MYT1L: variants seen among roughly 807,000 people sequenced by gnomAD.
The protein encoded by MYT1L is myelin transcription factor 1 like, also known as myelin transcription factor 1-like protein.
A neutral mutation model predicts 126.7 loss-of-function variants in MYT1L; 12 were observed. That is an observed-to-expected ratio of 0.09 (90% CI 0.06 to 0.15). The LOEUF is 0.15. MYT1L is among the 10% of genes least tolerant of loss of function. MYT1L has a pLI of 1.00. For synonymous variants in MYT1L, 541 were observed against 604.2 expected, an observed-to-expected ratio of 0.90 and a Z score of 1.53; for missense variants, 979 against 1,585.2, an observed-to-expected ratio of 0.62 and a Z score of 6.49.
At chr2:1,983,007 T>C (rs2060721603) in intron 5 of MYT1L, among the ~76,000 whole-genome samples, 1 of 152,236 alleles carries the variant, frequency 6.6e-6, no homozygotes, top group African/African-American at 2.4e-5. Context: ...CTTCATCCTT[T>C]CAGTATTTTT....
intron 2 of MYT1L, among the ~76,000 whole-genome samples, chr2:2,259,983 C>A (rs543797677): frequency 1.3e-5 from 2 of 152,304 alleles, no homozygotes; most frequent in South Asian, 4.1e-4. Flanking sequence ...TCCACTGCAG[C>A]CTCCCCAGCC....
intron 2 of MYT1L, among the ~76,000 whole-genome samples, chr2:2,194,425 G>A (rs1281621478): frequency 6.6e-6 from 1 of 152,118 alleles, no homozygotes; most frequent in African/African-American, 2.4e-5. Context: ...AATACCAAGA[G>A]CTTTTGTATG....
chr2:1,872,577 T>G (rs2046405221), intron 18 of MYT1L, among the ~76,000 whole-genome samples: 2 of 152,384 alleles, frequency 1.3e-5, no homozygotes, highest in East Asian at 3.9e-4. Context: ...TGGAATTCTT[T>G]TATCTTTGAA....
intron 2 of MYT1L, among the ~76,000 whole-genome samples, chr2:2,283,673 C>T (rs2095480331): frequency 6.6e-6 from 1 of 152,140 alleles, no homozygotes; most frequent in African/African-American, 2.4e-5. Context: ...GCTGCTCAGA[C>T]CTCAAACCTA....
At chr2:1,939,293 C>A (rs1039749951) in intron 9 of MYT1L, among the ~76,000 whole-genome samples, 1 of 152,188 alleles carries the variant, frequency 6.6e-6, no homozygotes, top group African/African-American at 2.4e-5. Flanking sequence ...GTTGCTGGCC[C>A]AGGGACATAG....
chr2:1,986,707 G>C (rs1392935517), intron 5 of MYT1L, among the ~76,000 whole-genome samples: 1 of 152,154 alleles, frequency 6.6e-6, no homozygotes, highest in Non-Finnish European at 1.5e-5. Flanking sequence ...AGAACTTTTG[G>C]GGAAGCGCTA....
At chr2:1,886,422 G>A in intron 18 of MYT1L, 117 bp downstream of exon 18, 1 of 659,142 alleles carries the variant, frequency 1.5e-6, no homozygotes. Context: ...AAGGCACTGG[G>A]GTGCACAGGC....
At chr2:1,817,053 C>T (rs1263361464) in intron 21 of MYT1L, 1 of 152,388 alleles carries the variant, frequency 6.6e-6, no homozygotes. Flanking sequence ...GTGGCTCCTG[C>T]TGGGAGGTGG....
chr2:2,247,661 GA>G (rs1374689146), intron 2 of MYT1L, among the ~76,000 whole-genome samples: 1 of 152,104 alleles, frequency 6.6e-6, no homozygotes, highest in Non-Finnish European at 1.5e-5. Flanking sequence ...TCAAAAAATT[GA>G]AATAATATCA....
chr2:2,303,389 T>C (rs2095814097), intron 1 of MYT1L: 1 of 152,432 alleles, frequency 6.6e-6, no homozygotes, highest in Admixed American at 6.5e-5. Context: ...CCAGCACCAT[T>C]ATCAGTACAG....
At position 1,929,512 on chromosome 2, in the gene MYT1L, C is replaced by T. The variant is rs896143924; in HGVS notation, c.506-6249G>A. On this transcript the variant is annotated intron_variant, in intron 9 of 24. Transcript: ENST00000647738. This position sits in a 1 kb window ranked among gnomAD's most constrained non-coding sequence, Gnocchi z 4.7. ...TCCCTGGCTCCGCTCTAGCCATCAC[C>T]GTCACGCTTCCCTACTACATCTAAC... is the stretch of plus-strand genomic sequence containing the variant. Among the ~76,000 whole-genome samples, 9 of 152,206 alleles carry T rather than the reference C, an allele frequency of 5.9e-5. No homozygotes were observed. Among genetic ancestry groups the T allele is most frequent in the East Asian group, 1.9e-4 (1 of 5,190 alleles).
At chr2:1,941,928 C>T (rs116366889) in intron 9 of MYT1L, among the ~76,000 whole-genome samples, 2,454 of 152,272 alleles carry the variant, frequency 0.016, 19 homozygotes, top group Middle Eastern at 0.024. Flanking sequence ...TTTAAGCCTG[C>T]ACATGAGATT....
At chr2:2,191,771 C>G (rs1355704769) in intron 2 of MYT1L, among the ~76,000 whole-genome samples, 1 of 152,180 alleles carries the variant, frequency 6.6e-6, no homozygotes, top group Non-Finnish European at 1.5e-5. Context: ...TCAAATTTTT[C>G]CTAAATCCCA....
chr2:2,264,848 T>A (rs927214696), intron 2 of MYT1L, among the ~76,000 whole-genome samples: 2 of 152,126 alleles, frequency 1.3e-5, no homozygotes, highest in Admixed American at 1.3e-4. Flanking sequence ...TTCAGCAACT[T>A]TTTTTAAAAG....
In MYT1L at chr2:2,051,169, T is replaced by C. The variant is rs73913049; in HGVS notation, c.-158+2809A>G. On this transcript the variant is annotated intron_variant, in intron 4 of 24. Transcript: ENST00000647738. ...TTTTATAAACACCAAACCTAAGCCATGGGGAGCTAAGCCCTTTGTCCTAAC... is the reference window on the plus strand; with the variant it reads ...TTTTATAAACACCAAACCTAAGCCACGGGGAGCTAAGCCCTTTGTCCTAAC... 8.8e-3 allele frequency among the ~76,000 whole-genome samples: 1,346 copies of C among 152,250 alleles called. 18 individuals carry two copies. Among genetic ancestry groups the C allele is most frequent in the African/African-American group, 0.027 (1,131 of 41,538 alleles).
intron 3 of MYT1L, among the ~76,000 whole-genome samples, chr2:2,128,972 C>T (rs1225670381): frequency 5.9e-5 from 9 of 152,194 alleles, no homozygotes; most frequent in Admixed American, 3.9e-4. Context: ...AGAAGAGAGA[C>T]TCTTCCAAGG....
intron 3 of MYT1L, among the ~76,000 whole-genome samples, chr2:2,127,253 T>A (rs760138009): frequency 6.6e-6 from 1 of 152,096 alleles, no homozygotes; most frequent in African/African-American, 2.4e-5. Context: ...CTCCACCCCA[T>A]ATGTGTTTTA....
At chr2:2,321,921 A>G (rs926261820) in intron 1 of MYT1L, among the ~76,000 whole-genome samples, 4 of 152,190 alleles carry the variant, frequency 2.6e-5, no homozygotes, top group African/African-American at 9.7e-5. Context: ...AACTATATTA[A>G]TGAGTGCACA....
At chr2:2,241,944 C>A (rs1289057973) in intron 2 of MYT1L, among the ~76,000 whole-genome samples, 1 of 152,038 alleles carries the variant, frequency 6.6e-6, no homozygotes, top group Non-Finnish European at 1.5e-5. Context: ...TGTCTAGACA[C>A]ACACACACAC....
Sources: gnomAD v4.1 joint callset for allele counts (sites outside exome capture counted in the v4.1 genomes callset) on GRCh38, gnomAD v4.1.1 for gene constraint, Gnocchi (gnomAD v3.1) non-coding constraint, MANE v1.5 for transcripts, NCBI Gene and HGNC (gene_info 2026-07-23, HGNC 2026-07-21) for gene names.